Variants in NR2C2 observed in about 807,000 individuals in gnomAD.
NR2C2 encodes Nuclear hormone receptor TR4.
In NR2C2, 6 loss-of-function variants were observed where a neutral mutation model predicts 62.9. The observed-to-expected ratio is 0.10, with a 90% CI of 0.05 to 0.19. The LOEUF (loss-of-function observed/expected upper bound fraction) is 0.19. NR2C2 is among the 10% of genes least tolerant of loss of function. The probability of loss-of-function intolerance (pLI) is 1.00; values close to 1 mark genes in which losing one functional copy is unlikely to be tolerated. For missense variants in NR2C2, 479 were observed against 762.7 expected (o/e 0.63, Z 4.38); for synonymous variants, 272 against 273.8 (o/e 0.99, Z 0.07).
intron 1 of NR2C2, among the ~76,000 whole-genome samples, chr3:14,972,601 T>TA (rs561319880): frequency 1.7e-3 from 264 of 152,356 alleles, no homozygotes; most frequent in African/African-American, 6.2e-3. Context: ...TCTTTATATA[T>TA]TCTGGATATT....
intron 1 of NR2C2, among the ~76,000 whole-genome samples, chr3:14,951,887 A>T (rs897849121): frequency 1.3e-5 from 2 of 152,080 alleles, no homozygotes; most frequent in Non-Finnish European, 2.9e-5. Context: ...GGCTGGGACT[A>T]CAGGTGCCCG....
At position 15,048,454 on chromosome 3, in the gene NR2C2, A is replaced by C. The variant is rs1057514255; in HGVS notation, c.*5446A>C. 6.6e-6 allele frequency: 1 copy of C among 152,608 alleles called. No individual in the cohort carries two copies. Among genetic ancestry groups the C allele is most frequent in the African/African-American group, 2.4e-5 (1 of 41,446 alleles). The allele number at this position is 152,608 out of a possible 1,614,324, so 9.5% of individuals were successfully genotyped here. On this transcript the variant is annotated 3_prime_UTR_variant, in exon 14 of 14. Transcript: ENST00000425241. ...ATCTTTGCGGGGAGAAAAATGTCAGATATTTTTAATGCCCAGCTATAAATA... is the reference window on the plus strand; with the variant it reads ...ATCTTTGCGGGGAGAAAAATGTCAGCTATTTTTAATGCCCAGCTATAAATA...
intron 1 of NR2C2, among the ~76,000 whole-genome samples, chr3:14,952,087 C>T (rs1357909378): frequency 1.3e-5 from 2 of 152,202 alleles, no homozygotes; most frequent in Admixed American, 1.3e-4. Flanking sequence ...AGTAACATGG[C>T]AAGGGCAGTG....
intron 10 of NR2C2, among the ~76,000 whole-genome samples, chr3:15,033,989 C>T (rs191087881): frequency 8.7e-4 from 132 of 152,354 alleles, no homozygotes; most frequent in African/African-American, 2.8e-3. Context: ...CTGGGCCACA[C>T]TTAAGGCAAC....
At chr3:14,990,254 C>T (rs1201683411) in intron 1 of NR2C2, among the ~76,000 whole-genome samples, 1 of 152,124 alleles carries the variant, frequency 6.6e-6, no homozygotes. Flanking sequence ...TGGTAACATT[C>T]TTGTGAACTT....
chr3:15,039,813 A>G (rs980745342), intron 13 of NR2C2, among the ~76,000 whole-genome samples: 9 of 152,162 alleles, frequency 5.9e-5, no homozygotes, highest in African/African-American at 2.2e-4. Flanking sequence ...TTTGGGTGCA[A>G]ATTAGTGGTA....
At chr3:14,987,720 TCATTTGCTGTTGTGTTCCCAGTGCCTGAA>T (rs1364564725) in intron 1 of NR2C2, among the ~76,000 whole-genome samples, 3 of 152,214 alleles carry the variant, frequency 2.0e-5, no homozygotes, top group African/African-American at 7.2e-5. Flanking sequence ...GAACTTTATT[TCATTTGCTGTTGTGTTCCCAGTGCCTGAA>T]ATACAGTGCC....
At chr3:15,039,074 C>T (rs368844583) in intron 12 of NR2C2, 48 bp from the exon 13 acceptor site, 1 of 1,416,504 alleles carries the variant, frequency 7.1e-7, no homozygotes, top group African/African-American at 1.4e-5. Context: ...ACAAGTGAGA[C>T]TTTTCAAATA....
At chr3:14,975,510 C>T (rs989202104) in intron 1 of NR2C2, among the ~76,000 whole-genome samples, 10 of 152,198 alleles carry the variant, frequency 6.6e-5, no homozygotes, top group East Asian at 3.9e-4. Context: ...ATGAGAGGTA[C>T]GTTACATTGA....
chr3:14,989,368 C>T (rs552717802), intron 1 of NR2C2, among the ~76,000 whole-genome samples: 13 of 152,228 alleles, frequency 8.5e-5, no homozygotes, highest in Admixed American at 4.6e-4. Context: ...TTCATGTGCC[C>T]GGTGCGTGTT....
At position 14,997,073 on chromosome 3, in the gene NR2C2, C is replaced by G. The variant is rs1215913790; in HGVS notation, c.-39-6803C>G. 4.6e-5 allele frequency among the ~76,000 whole-genome samples: 7 copies of G among 152,340 alleles called. No homozygotes were observed. The East Asian group carries it at 9.6e-4, about 21-fold the overall frequency. On this transcript the variant is annotated intron_variant, in intron 1 of 13. Coordinates refer to ENST00000425241, the MANE Select transcript of NR2C2 (RefSeq NM_001291694.2). ...AAATGTGAACCACATAATGACGGTT[C>G]TGTCAGTGCTTGAGTGCCTATAGGA...
chr3:15,019,774 G>C (rs1367808658), intron 4 of NR2C2, among the ~76,000 whole-genome samples: 1 of 152,106 alleles, frequency 6.6e-6, no homozygotes, highest in Non-Finnish European at 1.5e-5. Context: ...GTGAGAGATA[G>C]TTGGGAAAGA....
intron 1 of NR2C2, among the ~76,000 whole-genome samples, chr3:14,985,595 TTAAAC>T (rs1381750617): frequency 6.6e-6 from 1 of 152,180 alleles, no homozygotes; most frequent in Non-Finnish European, 1.5e-5. Flanking sequence ...TTTTTAAAAT[TTAAAC>T]TAAATGGAAT....
intron 1 of NR2C2, among the ~76,000 whole-genome samples, chr3:14,998,024 TTAAA>T (rs954295065): frequency 1.3e-5 from 2 of 152,222 alleles, no homozygotes; most frequent in African/African-American, 2.4e-5. Flanking sequence ...TCTGGACATT[TTAAA>T]TAAATAGAAT....
chr3:14,952,047 CT>C (rs1218705963), intron 1 of NR2C2, among the ~76,000 whole-genome samples: 1 of 152,186 alleles, frequency 6.6e-6, no homozygotes, highest in Non-Finnish European at 1.5e-5. Flanking sequence ...CGCCCAGCAA[CT>C]GGGAAGTTTT....
At chr3:15,004,618 G>A in intron 2 of NR2C2, 1 of 1,611,998 alleles carries the variant, frequency 6.2e-7, no homozygotes, top group Non-Finnish European at 8.5e-7. Context: ...GAGAAGGTAG[G>A]TGTATCAAGC....
At chr3:15,038,965 GCCAGTGTTCTAATAATA>G (rs2042178465) in intron 12 of NR2C2, 140 bp from the exon 13 acceptor site, 1 of 625,906 alleles carries the variant, frequency 1.6e-6, no homozygotes, top group African/African-American at 1.8e-5. Context: ...CAGAGGAAAA[GCCAGTGTTCTAATAATA>G]CCCAAACTAG....
intron 3 of NR2C2, among the ~76,000 whole-genome samples, chr3:15,014,031 G>A (rs1454194565): frequency 6.6e-6 from 1 of 152,194 alleles, no homozygotes; most frequent in Non-Finnish European, 1.5e-5. Flanking sequence ...AGTGGCCACA[G>A]GAGACTGACA....
chr3:14,996,809 G>A (rs1230401070), intron 1 of NR2C2, among the ~76,000 whole-genome samples: 2 of 152,122 alleles, frequency 1.3e-5, no homozygotes, highest in African/African-American at 4.8e-5. Context: ...TGATCCGCCC[G>A]CCTCGGCCTC....
Sources: gnomAD v4.1 joint callset for allele counts (sites outside exome capture counted in the v4.1 genomes callset) on GRCh38, gnomAD v4.1.1 for gene constraint, MANE v1.5 for transcripts, NCBI Gene and HGNC (gene_info 2026-07-23, HGNC 2026-07-21) for gene names.